The following PDE4D variants were observed in gnomAD, a reference collection of about 807,000 sequenced individuals.
PDE4D encodes the protein 3',5'-cyclic-AMP phosphodiesterase 4D.
A neutral mutation model predicts 87.4 loss-of-function variants in PDE4D; 24 were observed. That is an observed-to-expected ratio of 0.27 (90% CI 0.20 to 0.39). The LOEUF (loss-of-function observed/expected upper bound fraction) is 0.39, where lower values mean the gene tolerates loss of function less well. Ranked by LOEUF, PDE4D falls within the 10% of genes least tolerant of loss-of-function variation. The pLI, the probability that PDE4D is intolerant of heterozygous loss-of-function variation, is 1.00. For synonymous variants in PDE4D, 384 were observed against 383.2 expected (o/e 1.00, Z -0.02); for missense variants, 714 against 1,041.0 (o/e 0.69, Z 4.32).
chr5:60,139,343 C>T (rs184475499), intron 2 of PDE4D, among the ~76,000 whole-genome samples: 113 of 152,172 alleles, frequency 7.4e-4, no homozygotes, highest in Admixed American at 3.7e-3. Flanking sequence ...AAATGATTAA[C>T]TGTAACTTAT....
intron 1 of PDE4D, among the ~76,000 whole-genome samples, chr5:60,285,842 A>T (rs977327056): frequency 6.6e-6 from 1 of 152,220 alleles, no homozygotes; most frequent in African/African-American, 2.4e-5. Flanking sequence ...TGTGAGTGGC[A>T]GTTTCAACGA....
chr5:59,443,001 C>T (rs1022836206), intron 1 of PDE4D, among the ~76,000 whole-genome samples: 9 of 152,242 alleles, frequency 5.9e-5, no homozygotes, highest in African/African-American at 2.2e-4. Flanking sequence ...CTTAGAAAAA[C>T]CCAGCAGAGT....
chr5:59,758,822 G>A (rs1761613378), intron 1 of PDE4D, among the ~76,000 whole-genome samples: 1 of 152,002 alleles, frequency 6.6e-6, no homozygotes, highest in Non-Finnish European at 1.5e-5. Flanking sequence ...GTTTCTAATT[G>A]CTAATCTTAA....
chr5:59,257,854 A>T (rs1173609028), intron 1 of PDE4D, among the ~76,000 whole-genome samples: 1 of 151,780 alleles, frequency 6.6e-6, no homozygotes, highest in Non-Finnish European at 1.5e-5. Context: ...CTTTTTTCCT[A>T]GGTGAAGTCC....
At chr5:60,226,840 C>G (rs971421370) in intron 1 of PDE4D, among the ~76,000 whole-genome samples, 1 of 151,856 alleles carries the variant, frequency 6.6e-6, no homozygotes, top group African/African-American at 2.4e-5. Context: ...ACATCACACA[C>G]ACACACACAC....
intron 1 of PDE4D, among the ~76,000 whole-genome samples, chr5:60,351,375 T>G (rs531657661): frequency 6.6e-6 from 1 of 152,260 alleles, no homozygotes; most frequent in East Asian, 1.9e-4. Flanking sequence ...CCCTTGCAGC[T>G]TAGTGAGGCC....
chr5:60,158,611 G>T (rs1424391695), intron 2 of PDE4D, among the ~76,000 whole-genome samples: 1 of 152,136 alleles, frequency 6.6e-6, no homozygotes, highest in African/African-American at 2.4e-5. Flanking sequence ...CGCCCAGGCT[G>T]GAGTGCAGTG....
chr5:59,546,425 G>A (rs973473510), intron 1 of PDE4D, among the ~76,000 whole-genome samples: 1 of 152,034 alleles, frequency 6.6e-6, no homozygotes, highest in African/African-American at 2.4e-5. Context: ...AATATTATGT[G>A]CCTTTTATTT....
intron 1 of PDE4D, among the ~76,000 whole-genome samples, chr5:59,575,370 A>G (rs979345063): frequency 2.6e-5 from 4 of 152,222 alleles, no homozygotes; most frequent in Non-Finnish European, 4.4e-5. Context: ...ACAGACTTTT[A>G]TCTCACCAGC....
intron 1 of PDE4D, among the ~76,000 whole-genome samples, chr5:60,261,675 G>A (rs1749659864): frequency 6.6e-6 from 1 of 151,980 alleles, no homozygotes; most frequent in Admixed American, 6.6e-5. Context: ...AATGCCCAAG[G>A]TTTAAATTTT....
chr5:59,937,548 C>T (rs973022857), intron 3 of PDE4D, among the ~76,000 whole-genome samples: 3 of 152,158 alleles, frequency 2.0e-5, no homozygotes, highest in Non-Finnish European at 4.4e-5. Context: ...CAGATAGCTA[C>T]CTTCTCACTG....
chr5:59,631,534 C>T (rs952831280), intron 1 of PDE4D, among the ~76,000 whole-genome samples: 1 of 152,080 alleles, frequency 6.6e-6, no homozygotes, highest in African/African-American at 2.4e-5. Flanking sequence ...TCAGCATTTC[C>T]AACTGAGGTA....
Position 60,180,047 on chromosome 5 carries a change from G to T in PDE4D, c.42+5510C>A, listed in dbSNP as rs144765265. On this transcript the variant is annotated intron_variant, in intron 2 of 16. Transcript: ENST00000502484. ...CAATATATGCAATTATTTCTTGGAC[G>T]TAATCATTTGTAATTCAACTTCAAC... 1.5e-3 allele frequency among the ~76,000 whole-genome samples: 227 copies of T among 152,238 alleles called. 1 individual carries two copies. The highest frequency in any genetic ancestry group is 5.1e-3 in the African/African-American group (213 of 41,542).
intron 5 of PDE4D, among the ~76,000 whole-genome samples, chr5:59,148,754 G>GGTGTGTGTGTGTGT (rs3061422): frequency 9.4e-4 from 137 of 145,480 alleles, no homozygotes; most frequent in Non-Finnish European, 1.5e-3. Flanking sequence ...AATATATAGC[G>GGTGTGTGTGTGTGT]GTGTGTGTGT....
intron 1 of PDE4D, among the ~76,000 whole-genome samples, chr5:59,426,431 CT>C (rs948383429): frequency 3.3e-5 from 5 of 152,034 alleles, no homozygotes; most frequent in African/African-American, 1.2e-4. Flanking sequence ...TCGTACCCTG[CT>C]TTTTTTCTGA....
intron 1 of PDE4D, among the ~76,000 whole-genome samples, chr5:59,732,320 C>T (rs745675710): frequency 6.6e-6 from 1 of 151,320 alleles, no homozygotes; most frequent in Non-Finnish European, 1.5e-5. Flanking sequence ...TCTATGCTTA[C>T]ACCTTTTGTA....
chr5:59,997,406 G>A (rs1005893412), intron 2 of PDE4D, among the ~76,000 whole-genome samples: 16 of 151,980 alleles, frequency 1.1e-4, no homozygotes, highest in African/African-American at 3.9e-4. Flanking sequence ...AAATACAAAG[G>A]ATCTATTGTC....
chr5:59,307,477 C>T (rs9716677), intron 1 of PDE4D, among the ~76,000 whole-genome samples: 10,385 of 151,802 alleles, frequency 0.068, 460 homozygotes, highest in South Asian at 0.13. Context: ...AAAGGGCTAA[C>T]ATCCAGAATC....
At chr5:59,291,466 G>C (rs1767991036) in intron 1 of PDE4D, among the ~76,000 whole-genome samples, 1 of 151,770 alleles carries the variant, frequency 6.6e-6, no homozygotes. Context: ...TACTTAGCGG[G>C]TATAAAAAAA....
Sources: allele counts gnomAD v4.1 joint callset (sites outside exome capture counted in the v4.1 genomes callset), GRCh38; gene constraint gnomAD v4.1.1; transcripts MANE v1.5; gene names NCBI Gene and HGNC (gene_info 2026-07-23, HGNC 2026-07-21).